Variants in SLC28A1 observed in about 807,000 individuals in gnomAD.
The protein encoded by SLC28A1 is solute carrier family 28 member 1.
Under a neutral mutation model 74.8 loss-of-function variants are expected in SLC28A1, and 64 were observed. That is an observed-to-expected ratio of 0.86 (90% CI 0.70 to 1.05). SLC28A1 has a LOEUF of 1.05. Ranked by LOEUF, SLC28A1 falls within the 50% of genes least tolerant of loss-of-function variation. The pLI, the probability that SLC28A1 is intolerant of heterozygous loss-of-function variation, is 0.00. For missense variants in SLC28A1, 828 were observed against 822.8 expected, an observed-to-expected ratio of 1.01 and a Z score of -0.08; for synonymous variants, 359 against 335.0, an observed-to-expected ratio of 1.07 and a Z score of -0.78.
At chr15:84,946,112 A>ATATATATATATATTTT, downstream of SLC28A1, among the ~76,000 whole-genome samples, 1 of 13,474 alleles carries the variant, frequency 7.4e-5, no homozygotes, top group Non-Finnish European at 1.2e-4. Flanking sequence ...ATATATATAT[A>ATATATATATATATTTT]TTTTTTTTTT....
chr15:84,971,926 C>T, the SLC28A1 span, among the ~76,000 whole-genome samples: 3 of 152,218 alleles, frequency 2.0e-5, no homozygotes, highest in African/African-American at 7.2e-5. Context: ...GGATTACAGG[C>T]ATGAGCCACC....
intron 12 of SLC28A1, among the ~76,000 whole-genome samples, chr15:84,926,069 TATA>T (rs898519418): frequency 1.3e-3 from 188 of 148,000 alleles, no homozygotes; most frequent in African/African-American, 4.5e-3. Context: ...TTATTCTATA[TATA>T]ATATTTTATT....
chr15:84,941,038 G>C (rs1222400737), intron 15 of SLC28A1: 1 of 152,998 alleles, frequency 6.5e-6, no homozygotes. Flanking sequence ...TGAAGCATCT[G>C]GGTGCTTCTT....
the SLC28A1 span, among the ~76,000 whole-genome samples, chr15:84,953,031 A>G: frequency 3.9e-5 from 6 of 152,216 alleles, no homozygotes; most frequent in African/African-American, 9.6e-5. Flanking sequence ...ATTCTTTTCA[A>G]TGCCATCGCA....
At chr15:84,901,186 T>A (rs1461896254) in intron 6 of SLC28A1, among the ~76,000 whole-genome samples, 1 of 150,998 alleles carries the variant, frequency 6.6e-6, no homozygotes, top group Non-Finnish European at 1.5e-5. Context: ...TCATAAATCT[T>A]TAATAAGAAA....
At chr15:84,957,499 T>C in the SLC28A1 span, among the ~76,000 whole-genome samples, 2 of 152,214 alleles carry the variant, frequency 1.3e-5, no homozygotes, top group East Asian at 3.8e-4. Context: ...ACTCCTGGCC[T>C]CAAGTGATCC....
intron 12 of SLC28A1, among the ~76,000 whole-genome samples, chr15:84,926,144 A>G (rs1187605043): frequency 6.7e-6 from 1 of 149,124 alleles, no homozygotes; most frequent in Non-Finnish European, 1.5e-5. Context: ...ATTTTATTAT[A>G]TAGAGCAATT....
chr15:84,956,336 G>A, the SLC28A1 span, among the ~76,000 whole-genome samples: 1 of 152,030 alleles, frequency 6.6e-6, no homozygotes, highest in Non-Finnish European at 1.5e-5. Context: ...ATGGCTATAA[G>A]ACTTGTGCAT....
At chr15:84,913,173 G>A (rs957336851) in intron 9 of SLC28A1, among the ~76,000 whole-genome samples, 7 of 152,216 alleles carry the variant, frequency 4.6e-5, no homozygotes, top group African/African-American at 1.4e-4. Flanking sequence ...ACTTTCTGGC[G>A]GTGGTACTGG....
At chr15:84,962,822 C>G in the SLC28A1 span, among the ~76,000 whole-genome samples, 1 of 152,198 alleles carries the variant, frequency 6.6e-6, no homozygotes, top group Non-Finnish European at 1.5e-5. Context: ...AACCTTGACT[C>G]TAGGCAGTGT....
intron 6 of SLC28A1, chr15:84,896,045 A>T: frequency 1.4e-6 from 1 of 725,322 alleles, no homozygotes; most frequent in Non-Finnish European, 1.7e-6. Flanking sequence ...TTATTTTTGC[A>T]ATGGTCTTCT....
chr15:84,908,763 G>A lies in SLC28A1; in HGVS notation c.763G>A (p.Glu255Lys). The A allele has an allele frequency of 1.9e-6, 3 of 1,614,038 alleles. No homozygotes were observed. The highest frequency in any genetic ancestry group is 2.5e-6 in the Non-Finnish European group (3 of 1,180,014). The part of the protein sequence containing the change: ...TKAGSSFVFG[E>K]ALVKDVFAFQ... ...GGCTGGCTCCAGCTTCGTGTTTGGG[G>A]AGGCGCTGGTCAAGGATGTCTTTGC... Residue 255 changes from glutamate to lysine, a missense_variant, in exon 9 of 19, where the codon GAG (glutamate) becomes AAG (lysine). Glu to Lys is a moderately conservative substitution (Grantham distance 56, BLOSUM62 1). Around this residue, in one of 3 missense-constraint regions of SLC28A1, gnomAD observed 767 missense variants for 753.5 expected, o/e 1.02. Coordinates refer to ENST00000394573, the MANE Select transcript of SLC28A1 (RefSeq NM_004213.5).
chr15:84,946,083 T>TGTATATATATA (rs1321419859), downstream of SLC28A1, among the ~76,000 whole-genome samples: 26 of 36,242 alleles, frequency 7.2e-4, no homozygotes, highest in Non-Finnish European at 1.1e-3. Context: ...TGTGTGTATG[T>TGTATATATATA]TCATATATAT....
At chr15:84,900,525 G>A (rs1460534243) in intron 6 of SLC28A1, among the ~76,000 whole-genome samples, 7 of 151,908 alleles carry the variant, frequency 4.6e-5, no homozygotes, top group Non-Finnish European at 7.4e-5. Context: ...GGGGTCAGGC[G>A]CAGTGGCTAA....
rs534021044 is a variant in SLC28A1 at position 84,922,589 on chromosome 15, G to A, written c.958-1396G>A. Among the ~76,000 whole-genome samples the A allele has an allele frequency of 2.0e-4, 31 of 152,106 alleles. No homozygotes were observed. The East Asian group carries it at 4.8e-3, about 24-fold the overall frequency. On this transcript the variant is annotated intron_variant, in intron 11 of 18. Coordinates refer to ENST00000394573, the MANE Select transcript of SLC28A1 (RefSeq NM_004213.5). ...CTCCTCCTACCTCTTCTTCCTTCCC[G>A]TACTATCCGTCCTTCACTCATACAC...
intron 10 of SLC28A1, 64 bp downstream of exon 10, chr15:84,918,668 TCC>T: frequency 8.2e-7 from 1 of 1,221,182 alleles, no homozygotes; most frequent in Non-Finnish European, 1.2e-6. Context: ...GTTCACACTG[TCC>T]CAGAATGCCT....
At chr15:84,959,210 T>A in the SLC28A1 span, among the ~76,000 whole-genome samples, 1 of 151,734 alleles carries the variant, frequency 6.6e-6, no homozygotes, top group East Asian at 1.9e-4. Context: ...GCCTAGGTGA[T>A]CCTCCCACCT....
chr15:84,933,131 T>A lies in SLC28A1; in HGVS notation c.1084-14T>A, dbSNP rs1364960635. Reference sequence around the variant, plus strand: ...CTGACTGTCCACCTAGAACCTGCACTCTCACTCTTGCAGATCGATGCCACC... The same window carrying A: ...CTGACTGTCCACCTAGAACCTGCACACTCACTCTTGCAGATCGATGCCACC... On this transcript the variant is annotated splice_polypyrimidine_tract_variant and intron_variant, in intron 12 of 18. Coordinates refer to ENST00000394573, the MANE Select transcript of SLC28A1 (RefSeq NM_004213.5). The A allele has an allele frequency of 6.2e-7, 1 of 1,612,632 alleles. No individual in the cohort carries two copies. The highest frequency in any genetic ancestry group is 8.5e-7 in the Non-Finnish European group (1 of 1,179,214).
intron 1 of SLC28A1, chr15:84,886,110 C>T (rs778148163): frequency 3.0e-6 from 3 of 984,040 alleles, no homozygotes; most frequent in Non-Finnish European, 2.4e-6. Context: ...TTCAGCCCTT[C>T]GCTTTGCACA....
Sources: gnomAD v4.1 joint callset for allele counts (sites outside exome capture counted in the v4.1 genomes callset) on GRCh38, gnomAD v4.1.1 for gene constraint, gnomAD v4.1.1 regional missense constraint, MANE v1.5 for transcripts, NCBI Gene and HGNC (gene_info 2026-07-23, HGNC 2026-07-21) for gene names.